The following MED1 variants were observed in gnomAD, a reference collection of about 807,000 sequenced individuals.
The protein encoded by MED1 is mediator complex subunit 1.
Under a neutral mutation model 121.3 loss-of-function variants are expected in MED1, and 17 were observed. The observed-to-expected ratio is 0.14, with a 90% CI of 0.10 to 0.21. The LOEUF (loss-of-function observed/expected upper bound fraction) is 0.21. MED1 is among the 10% of genes least tolerant of loss of function. MED1 has a pLI of 1.00. For synonymous variants in MED1, 661 were observed against 694.4 expected, an observed-to-expected ratio of 0.95 and a Z score of 0.76; for missense variants, 1,558 against 1,919.4, an observed-to-expected ratio of 0.81 and a Z score of 3.52.
At chr17:39,418,485 A>G (rs2048431381) in intron 14 of MED1, among the ~76,000 whole-genome samples, 1 of 151,838 alleles carries the variant, frequency 6.6e-6, no homozygotes, top group Non-Finnish European at 1.5e-5. Context: ...GAAAGCTGTT[A>G]TCATGCCACT....
At chr17:39,445,458 C>A (rs1011735229) in intron 2 of MED1, 1 of 151,938 alleles carries the variant, frequency 6.6e-6, no homozygotes, top group Non-Finnish European at 1.5e-5. Flanking sequence ...GTGATCGACC[C>A]GCCTCAGCCT....
Position 39,408,822 on chromosome 17 carries a change from A to G in MED1, c.3399T>C (p.Ser1133=). The change falls in exon 17 of 17, where the codon TCT becomes TCC. Residue 1133 remains serine, a synonymous_variant. Transcript: ENST00000300651. This position sits in a 1 kb window ranked among gnomAD's most constrained non-coding sequence, Gnocchi z 4.7. ...GGCTAGATCCAGAAGACCCCTGGCT[A>G]GAATACATACTGCTACTTAACTTGG... ...SSSKLSSSMY[S]SQGSSGSSQS... is the part of the protein sequence containing the mutation. 6.2e-7 allele frequency: 1 copy of G among 1,614,104 alleles called. No individual in the cohort carries two copies. The highest frequency in any genetic ancestry group is 8.5e-7 in the Non-Finnish European group (1 of 1,180,000).
intron 6 of MED1, 112 bp downstream of exon 6, chr17:39,439,053 C>T: frequency 1.0e-6 from 1 of 996,194 alleles, no homozygotes; most frequent in Non-Finnish European, 1.5e-6. Context: ...AATCTTTGCC[C>T]AAGAAAATAA....
rs754729976 is a variant in MED1 at position 39,442,996 on chromosome 17, CTTTTTTTTTTTT to C, written c.211+542_211+553del. On this transcript the variant is annotated intron_variant, in intron 3 of 16. Coordinates refer to ENST00000300651, the MANE Select transcript of MED1 (RefSeq NM_004774.4). ...GGGAAAAAAAACTTTTCCCAGGTAT[CTTTTTTTTTTTT>C]TTTTTTTTTTTTGAGACAAGTCTTG... 9.7e-5 allele frequency among the ~76,000 whole-genome samples: 8 copies of C among 82,886 alleles called. No individual in the cohort carries two copies. The East Asian group carries it at 1.3e-3, about 13-fold the overall frequency. 54.4% of individuals were successfully genotyped at this position (82,886 alleles called of 152,430 possible).
chr17:39,423,163 C>T (rs990528941), intron 13 of MED1, among the ~76,000 whole-genome samples, 164 bp downstream of exon 13: 3 of 152,086 alleles, frequency 2.0e-5, no homozygotes, highest in Non-Finnish European at 2.9e-5. Context: ...CCGCGCCCAG[C>T]CCATTTCTGA....
chr17:39,409,531 C>T lies in MED1; in HGVS notation c.2690G>A (p.Gly897Glu), dbSNP rs751069658. ...SQSGDNDDFK[G>E]FASQALNTLG... ...AGTATTTAGTGCCTGAGATGCAAAT[C>T]CTTTGAAATCATCATTATCCCCACT... is the stretch of plus-strand genomic sequence containing the variant. The change falls in exon 17 of 17, where the codon GGA becomes GAA. Residue 897 changes from glycine to glutamate, a missense_variant. Coordinates refer to ENST00000300651, the MANE Select transcript of MED1 (RefSeq NM_004774.4). 1 of 1,614,146 alleles carries T rather than the reference C, an allele frequency of 6.2e-7. No homozygotes were observed. The highest frequency in any genetic ancestry group is 1.7e-5 in the Admixed American group (1 of 60,014).
At position 39,406,779 on chromosome 17, in the gene MED1, C is replaced by A. The variant is rs1010090762; in HGVS notation, c.*696G>T. The stretch of plus-strand genomic sequence containing the variant: ...AGCACAAGCTATAAGCTCCCTACCA[C>A]CATATAAGCCTTGCTCTTCGGCCTT... On this transcript the variant is annotated 3_prime_UTR_variant, in exon 17 of 17. Coordinates refer to ENST00000300651, the MANE Select transcript of MED1 (RefSeq NM_004774.4). 2.0e-6 allele frequency: 2 copies of A among 985,434 alleles called. No individual in the cohort carries two copies. Among genetic ancestry groups the A allele is most frequent in the African/African-American group, 3.5e-5 (2 of 57,240 alleles). The allele number at this position is 985,434 out of a possible 1,614,324, so 61.0% of individuals were successfully genotyped here. A position where few individuals can be genotyped will look rare whatever the true frequency, so the allele number is the denominator to read the frequency against.
At chr17:39,422,867 T>C (rs2048479859) in intron 13 of MED1, among the ~76,000 whole-genome samples, 6 of 141,276 alleles carry the variant, frequency 4.2e-5, no homozygotes, top group Non-Finnish European at 9.3e-5. Flanking sequence ...AGATTTCTTT[T>C]TTTTTTTTTT....
chr17:39,439,919 C>G (rs545125946), intron 5 of MED1, among the ~76,000 whole-genome samples: 100 of 129,204 alleles, frequency 7.7e-4, no homozygotes, highest in Non-Finnish European at 2.2e-4. Flanking sequence ...GGCGACAGAA[C>G]GAGACTCTGT....
chr17:39,411,097 G>A (rs925809703), intron 16 of MED1, among the ~76,000 whole-genome samples: 18 of 152,072 alleles, frequency 1.2e-4, no homozygotes, highest in African/African-American at 4.3e-4. Context: ...AAGGCGGCTG[G>A]AACATGAGGT....
intron 6 of MED1, among the ~76,000 whole-genome samples, chr17:39,436,959 T>G (rs2048624991): frequency 6.8e-6 from 1 of 147,720 alleles, no homozygotes; most frequent in African/African-American, 2.5e-5. Context: ...TGAGACAGAG[T>G]TTTGTTCTTG....
Position 39,406,550 on chromosome 17 carries a change from C to T in MED1, c.*925G>A. The T allele has an allele frequency of 1.0e-6, 1 of 985,100 alleles. No individual in the cohort carries two copies. The highest frequency in any genetic ancestry group is 4.7e-5 in the South Asian group (1 of 21,266). 61.0% of individuals were successfully genotyped at this position (985,100 alleles called of 1,614,324 possible). A position where few individuals can be genotyped will look rare whatever the true frequency, so the allele number is the denominator to read the frequency against. ...GAAAACATGTTTACATCCCAACAAG[C>T]CACCTTAGCTTTTTTTTTTTTTTTT... is the stretch of plus-strand genomic sequence containing the variant. On this transcript the variant is annotated 3_prime_UTR_variant, in exon 17 of 17. Coordinates refer to ENST00000300651, the MANE Select transcript of MED1 (RefSeq NM_004774.4).
chr17:39,428,976 G>A (rs2048540122), intron 9 of MED1, among the ~76,000 whole-genome samples: 1 of 150,314 alleles, frequency 6.7e-6, no homozygotes, highest in Non-Finnish European at 1.5e-5. Context: ...TATGACAGAA[G>A]ATGAAGTATG....
chr17:39,415,087 A>T lies in MED1; in HGVS notation c.1438T>A (p.Tyr480Asn), dbSNP rs1417250951. 1 of 1,614,214 alleles carries T rather than the reference A, an allele frequency of 6.2e-7. No homozygotes were observed. Among genetic ancestry groups the T allele is most frequent in the South Asian group, 1.1e-5 (1 of 91,086 alleles). The change falls in exon 16 of 17, where the codon TAC becomes AAC. Residue 480 changes from tyrosine to asparagine, a missense_variant. Around this residue, in one of 5 missense-constraint regions of MED1, gnomAD observed 50 missense variants for 134.5 expected, o/e 0.37. Transcript: ENST00000300651. ...ATCAGTGCATCCGACAGCCCTTTGT[A>T]GAGTTTACAGCTCACATGTGTTGAG... ...QDSTHVSCKL[Y>N]KGLSDALICT...
At chr17:39,418,085 CAAAAAAA>C (rs760116991) in intron 14 of MED1, among the ~76,000 whole-genome samples, 4 of 55,638 alleles carry the variant, frequency 7.2e-5, no homozygotes, top group Non-Finnish European at 9.2e-5. Context: ...GACTCCGTCT[CAAAAAAA>C]AAAAAAAAAA....
At chr17:39,433,441 C>A (rs1272475091) in intron 7 of MED1, among the ~76,000 whole-genome samples, 1 of 151,368 alleles carries the variant, frequency 6.6e-6, no homozygotes, top group African/African-American at 2.4e-5. Flanking sequence ...CCACCCACCT[C>A]AGCCTCCCAA....
intron 1 of MED1, among the ~76,000 whole-genome samples, chr17:39,448,676 A>G (rs759097783): frequency 1.4e-4 from 21 of 152,100 alleles, no homozygotes; most frequent in Non-Finnish European, 2.4e-4. Context: ...TTGGGAGGCC[A>G]AGGCGGGTGG....
Position 39,440,755 on chromosome 17 carries a change from C to CGGCCGGGCGCGGTGG in MED1, c.212-79_212-78insCCACCGCGCCCGGCC. 1 of 1,355,372 alleles carries CGGCCGGGCGCGGTGG rather than the reference C, an allele frequency of 7.4e-7. No individual in the cohort carries two copies. The highest frequency in any genetic ancestry group is 1.0e-6 in the Non-Finnish European group (1 of 965,032). The allele number at this position is 1,355,372 out of a possible 1,614,324, so 84.0% of individuals were successfully genotyped here. Reference sequence around the variant, plus strand: ...GATATTCTTTTAAGACAGAAAGATTCATCCTTCCAAAACCGTAAACATATT... The same window carrying CGGCCGGGCGCGGTGG: ...GATATTCTTTTAAGACAGAAAGATTCGGCCGGGCGCGGTGGATCCTTCCAAAACCGTAAACATATT... On this transcript the variant is annotated intron_variant, in intron 3 of 16. Transcript: ENST00000300651. The surrounding 1 kb of genome is among the most constrained non-coding windows in gnomAD (Gnocchi z 4.1).
At chr17:39,431,211 T>G in intron 8 of MED1, 23 bp from the exon 9 acceptor site, 1 of 1,569,524 alleles carries the variant, frequency 6.4e-7, no homozygotes, top group Non-Finnish European at 8.8e-7. Flanking sequence ...TGATCTATGT[T>G]TGCTTATATT....
Sources: gnomAD v4.1 joint callset for allele counts (sites outside exome capture counted in the v4.1 genomes callset) on GRCh38, gnomAD v4.1.1 for gene constraint, gnomAD v4.1.1 regional missense constraint, Gnocchi (gnomAD v3.1) non-coding constraint, MANE v1.5 for transcripts, NCBI Gene and HGNC (gene_info 2026-07-23, HGNC 2026-07-21) for gene names.